Variants in STRIP1 observed in about 807,000 individuals in gnomAD.
The protein encoded by STRIP1 is striatin-interacting protein 1.
A neutral mutation model predicts 106.2 loss-of-function variants in STRIP1; 63 were observed. The ratio of observed to expected loss-of-function variants is 0.59; its 90% CI spans 0.48 to 0.73. The LOEUF (loss-of-function observed/expected upper bound fraction) is 0.73, where lower values mean the gene tolerates loss of function less well. STRIP1 is among the 30% of genes least tolerant of loss of function. The pLI is 0.00. For missense variants in STRIP1, 857 were observed against 1,074.8 expected (o/e 0.80, Z 2.83); for synonymous variants, 390 against 413.0 (o/e 0.94, Z 0.67).
chr1:110,036,484 C>T (rs1652462175), intron 1 of STRIP1, among the ~76,000 whole-genome samples: 1 of 152,122 alleles, frequency 6.6e-6, no homozygotes, highest in Non-Finnish European at 1.5e-5. Context: ...CTCATAGACT[C>T]ATTACATGAA....
chr1:110,048,793 T>A (rs1239803356), intron 15 of STRIP1, among the ~76,000 whole-genome samples: 1 of 152,188 alleles, frequency 6.6e-6, no homozygotes, highest in African/African-American at 2.4e-5. Flanking sequence ...CAGAACACAT[T>A]TGGAGAACTC....
chr1:110,039,565 G>C (rs1223853440), intron 5 of STRIP1, 50 bp downstream of exon 5: 1 of 1,560,364 alleles, frequency 6.4e-7, no homozygotes, highest in Non-Finnish European at 8.7e-7. Flanking sequence ...GGGATGGGAA[G>C]GGGGACAGAG....
chr1:110,037,825 G>A (rs563453013), intron 1 of STRIP1, 66 bp from the exon 2 acceptor site: 37 of 1,150,228 alleles, frequency 3.2e-5, no homozygotes, highest in East Asian at 4.8e-5. Flanking sequence ...ACAGCATCTC[G>A]AAGCATGAGT....
intron 20 of STRIP1, among the ~76,000 whole-genome samples, chr1:110,052,677 C>T (rs940219680): frequency 6.6e-6 from 1 of 152,092 alleles, no homozygotes; most frequent in Non-Finnish European, 1.5e-5. Context: ...ACTGTGTTAG[C>T]CAGGCTGGCC....
chr1:110,053,561 G>C (rs1049603281), intron 20 of STRIP1, 104 bp from the exon 21 acceptor site: 4 of 1,480,176 alleles, frequency 2.7e-6, no homozygotes, highest in Non-Finnish European at 3.7e-6. Context: ...TGAGCTCGGA[G>C]GTATCCTGCT....
chr1:110,037,770 G>A (rs1652529897), intron 1 of STRIP1, 121 bp from the exon 2 acceptor site: 1 of 667,316 alleles, frequency 1.5e-6, no homozygotes, highest in Non-Finnish European at 2.6e-6. Flanking sequence ...GAAACAAAAT[G>A]TGAAAAAACA....
intron 18 of STRIP1, 87 bp from the exon 19 acceptor site, chr1:110,050,869 G>A (rs994229989): frequency 1.3e-6 from 1 of 789,404 alleles, no homozygotes; most frequent in Non-Finnish European, 2.3e-6. Context: ...AGACCCGGCT[G>A]TCCTGAGATC....
At chr1:110,047,453 T>A in intron 13 of STRIP1, 89 bp from the exon 14 acceptor site, 1 of 971,908 alleles carries the variant, frequency 1.0e-6, no homozygotes. Flanking sequence ...CATCACTGTT[T>A]ACAGGTTTTC....
intron 5 of STRIP1, among the ~76,000 whole-genome samples, chr1:110,040,128 C>G (rs1490154977): frequency 1.3e-5 from 2 of 152,180 alleles, no homozygotes; most frequent in Non-Finnish European, 2.9e-5. Context: ...GGATTCAAAC[C>G]GTGGCAGTCC....
rs1421098511 is a variant in STRIP1 at position 110,043,668 on chromosome 1, C to T, written c.1098C>T (p.Ala366=). 1 of 1,613,894 alleles carries T rather than the reference C, an allele frequency of 6.2e-7. No individual in the cohort carries two copies. The highest frequency in any genetic ancestry group is 1.3e-5 in the African/African-American group (1 of 74,918). Residue 366 remains alanine, a synonymous_variant, in exon 10 of 21, where the codon GCC becomes GCT. Coordinates refer to ENST00000369795, the MANE Select transcript of STRIP1 (RefSeq NM_033088.4). ...KALIKQDNLD[A]FNERDPYKAD... The stretch of plus-strand genomic sequence containing the variant: ...TGATAAAGCAGGACAACCTAGATGC[C>T]TTCAACGAGCGGGATCCCTACAAGG...
In STRIP1 at chr1:110,039,416, C is replaced by T. The variant is rs118092780; in HGVS notation, c.482C>T (p.Ser161Leu). The stretch of plus-strand genomic sequence containing the variant: ...GCAGGCACGTTTGGGGAGTGCAGCT[C>T]GGAGGCAGAGGTGCAGTCCTGGATG... The part of the protein sequence containing the change: ...VAQGTFGECS[S>L]EAEVQSWMRY... The change falls in exon 5 of 21, where the codon TCG becomes TTG. Residue 161 changes from serine (S) to leucine (L), a missense_variant. By Grantham distance (145) the Ser-to-Leu change is moderately radical. Transcript: ENST00000369795. The T allele has an allele frequency of 3.3e-4, 528 of 1,614,090 alleles. 3 individuals are homozygous for T. The East Asian group carries it at 9.4e-3, about 29-fold the overall frequency.
At chr1:110,047,674 C>A (rs985356850) in intron 14 of STRIP1, 58 bp downstream of exon 14, 2 of 1,555,750 alleles carry the variant, frequency 1.3e-6, no homozygotes, top group African/African-American at 2.7e-5. Context: ...CAGGCCCTGC[C>A]GTCCTCCTGC....
At position 110,054,022 on chromosome 1, in the gene STRIP1, A is replaced by G; in HGVS notation, c.*110A>G. On this transcript the variant is annotated 3_prime_UTR_variant, in exon 21 of 21. Transcript: ENST00000369795. ...CCCATCCCCCACCAGGTGGCAGCAC[A>G]GCCCCACTGTGTCTTCCGCAGTCTG... 1 of 1,373,626 alleles carries G rather than the reference A, an allele frequency of 7.3e-7. No individual in the cohort carries two copies. Among genetic ancestry groups the G allele is most frequent in the Non-Finnish European group, 1.0e-6 (1 of 994,372 alleles). 85.1% of individuals were successfully genotyped at this position (1,373,626 alleles called of 1,614,324 possible).
rs1024756460 is a variant in STRIP1 at position 110,034,758 on chromosome 1, G to T, written c.121G>T (p.Gly41Cys). The change falls in exon 1 of 21, where the codon GGC becomes TGC. Residue 41 changes from glycine to cysteine, a missense_variant. Transcript: ENST00000369795. The stretch of plus-strand genomic sequence containing the variant: ...ACCCGGGGCACCGCGGGCCGCCGCG[G>T]GCCTCCTGCCTGGGGGCAAAGCCCG... ...PPPGAPRAAA[G>C]LLPGGKAREF... 5 of 1,458,242 alleles carry T rather than the reference G, an allele frequency of 3.4e-6. No homozygotes were observed. The highest frequency in any genetic ancestry group is 1.5e-5 in the African/African-American group (1 of 66,704). 90.3% of individuals were successfully genotyped at this position (1,458,242 alleles called of 1,614,324 possible). A position where few individuals can be genotyped will look rare whatever the true frequency, so the allele number is the denominator to read the frequency against.
rs781224232 is a variant in STRIP1 at position 110,053,900 on chromosome 1, G to A, written c.2502G>A (p.Glu834=). 3.0e-5 allele frequency: 49 copies of A among 1,613,992 alleles called. No homozygotes were observed. Among genetic ancestry groups the A allele is most frequent in the Admixed American group, 8.3e-5 (5 of 60,012 alleles). Residue 834 remains glutamate (E), a synonymous_variant, in exon 21 of 21, where the codon GAG becomes GAA. Coordinates refer to ENST00000369795, the MANE Select transcript of STRIP1 (RefSeq NM_033088.4). ...EVFSKPISWE[E]LLQ is the part of the protein sequence containing the mutation. ...TCTCCAAGCCCATTTCCTGGGAAGA[G>A]CTGCTGCAGTGAGGCTGTTGGTTAG...
rs1570932808 is a variant in STRIP1 at position 110,054,296 on chromosome 1, T to C, written c.*384T>C. 5.1e-6 allele frequency: 1 copy of C among 197,022 alleles called. No individual in the cohort carries two copies. Among genetic ancestry groups the C allele is most frequent in the East Asian group, 1.4e-4 (1 of 7,104 alleles). 12.2% of individuals were successfully genotyped at this position (197,022 alleles called of 1,614,324 possible). A position where few individuals can be genotyped will look rare whatever the true frequency, so the allele number is the denominator to read the frequency against. ...CCTCTCGAGACATACAAATCCTTGC[T>C]TTGTCAGCTTGCAAAGGAGGAGAGT... On this transcript the variant is annotated 3_prime_UTR_variant, in exon 21 of 21. Transcript: ENST00000369795.
chr1:110,048,851 G>T (rs1358456345), intron 15 of STRIP1, among the ~76,000 whole-genome samples: 1 of 152,220 alleles, frequency 6.6e-6, no homozygotes, highest in Admixed American at 6.5e-5. Context: ...GAAAGGAGAA[G>T]AAGTTCATTT....
chr1:110,052,948 G>T (rs1653372437), intron 20 of STRIP1, among the ~76,000 whole-genome samples: 1 of 152,202 alleles, frequency 6.6e-6, no homozygotes, highest in Non-Finnish European at 1.5e-5. Flanking sequence ...ATTTCCCTTA[G>T]AATTAGATTC....
At position 110,049,523 on chromosome 1, in the gene STRIP1, A is replaced by G; in HGVS notation, c.1852A>G (p.Asn618Asp). ...CATTCCTTTGATCCTAAAGTTCTTC[A>G]ATCAAAACATCATGTCCTACATCAC... ...NCIPLILKFF[N>D]QNIMSYITAK... Residue 618 changes from asparagine to aspartate, a missense_variant, in exon 17 of 21, where the codon AAT becomes GAT. Asn to Asp is a conservative substitution (Grantham distance 23). Around this residue, in one of 2 missense-constraint regions of STRIP1, gnomAD observed 750 missense variants for 989.8 expected, o/e 0.76. Coordinates refer to ENST00000369795, the MANE Select transcript of STRIP1 (RefSeq NM_033088.4). 1 of 1,613,136 alleles carries G rather than the reference A, an allele frequency of 6.2e-7. No individual in the cohort carries two copies. Among genetic ancestry groups the G allele is most frequent in the Non-Finnish European group, 8.5e-7 (1 of 1,179,856 alleles).
Sources: allele counts gnomAD v4.1 joint callset (sites outside exome capture counted in the v4.1 genomes callset), GRCh38; gene constraint gnomAD v4.1.1; regional missense constraint gnomAD v4.1.1; transcripts MANE v1.5; gene names NCBI Gene and HGNC (gene_info 2026-07-23, HGNC 2026-07-21).